SLC26A5: variants seen among roughly 807,000 people sequenced by gnomAD.
SLC26A5 encodes solute carrier family 26 member 5, also known as prestin.
SLC26A5 carries 51 observed loss-of-function variants against 81.0 expected under a neutral mutation model. That is an observed-to-expected ratio of 0.63 (90% CI 0.50 to 0.80). SLC26A5 has a LOEUF of 0.80. Ranked by LOEUF, SLC26A5 falls within the 30% of genes least tolerant of loss-of-function variation. The pLI is 0.00. For synonymous variants in SLC26A5, 325 were observed against 332.8 expected (o/e 0.98, Z 0.25); for missense variants, 771 against 905.8 (o/e 0.85, Z 1.91).
At chr7:103,417,293 C>A (rs1463683094) in intron 4 of SLC26A5, among the ~76,000 whole-genome samples, 1 of 150,982 alleles carries the variant, frequency 6.6e-6, no homozygotes, top group African/African-American at 2.4e-5. Context: ...TTGCTTGAAT[C>A]CGGGAGGCGG....
intron 2 of SLC26A5, among the ~76,000 whole-genome samples, chr7:103,424,967 C>A (rs932447058): frequency 1.3e-5 from 2 of 152,208 alleles, no homozygotes; most frequent in African/African-American, 4.8e-5. Flanking sequence ...TATGTGGCAA[C>A]CTTCTCTGGA....
rs367872619 is a variant in SLC26A5, at chr7:103,406,955, A to G, written c.888+896T>C. 3.3e-5 allele frequency among the ~76,000 whole-genome samples: 5 copies of G among 151,808 alleles called. No individual in the cohort carries two copies. The East Asian group carries it at 9.7e-4, about 29-fold the overall frequency. The stretch of plus-strand genomic sequence containing the variant: ...GATGTGGAGTCACCACACCTAGACG[A>G]CTCTTCATTTCTTATCCTTGCCGCT... On this transcript the variant is annotated intron_variant, in intron 8 of 19. Transcript: ENST00000306312.
At chr7:103,442,358 G>A (rs187362998) in intron 2 of SLC26A5, among the ~76,000 whole-genome samples, 2 of 152,080 alleles carry the variant, frequency 1.3e-5, no homozygotes, top group East Asian at 3.9e-4. Flanking sequence ...AGCTGGTCTC[G>A]AACTCCTGGC....
rs1037948251 is a variant in SLC26A5, at chr7:103,413,182, T to G, written c.293-70A>C. 11 of 1,072,600 alleles carry G rather than the reference T, an allele frequency of 1.0e-5. No homozygotes were observed. In the African/African-American group the frequency reaches 1.7e-4, roughly 17 times the overall value. The allele number at this position is 1,072,600 out of a possible 1,614,324, so 66.4% of individuals were successfully genotyped here. On this transcript the variant is annotated intron_variant, in intron 4 of 19. Transcript: ENST00000306312. ...CAGAGGTGTTACATGTGTTTTTCTCTTGGTTCTTTATTTCTGATGAACGAG... is the reference window on the plus strand; with the variant it reads ...CAGAGGTGTTACATGTGTTTTTCTCGTGGTTCTTTATTTCTGATGAACGAG...
intron 19 of SLC26A5, chr7:103,365,955 A>G: frequency 1.3e-6 from 1 of 759,234 alleles, no homozygotes; most frequent in Non-Finnish European, 2.1e-6. Context: ...AAAAACGTTT[A>G]GGTAATAATG....
chr7:103,380,801 C>G (rs188655056), intron 14 of SLC26A5, among the ~76,000 whole-genome samples: 1 of 151,130 alleles, frequency 6.6e-6, no homozygotes, highest in African/African-American at 2.4e-5. Flanking sequence ...ACACATGATA[C>G]GCACACACCA....
At chr7:103,390,538 T>C in intron 11 of SLC26A5, 32 bp from the exon 12 acceptor site, 1 of 1,573,104 alleles carries the variant, frequency 6.4e-7, no homozygotes, top group East Asian at 2.2e-5. Flanking sequence ...GAAGGGGCTT[T>C]TAGGAGACTT....
chr7:103,362,656 T>C (rs373410579), intron 19 of SLC26A5: 10 of 1,555,610 alleles, frequency 6.4e-6, no homozygotes, highest in South Asian at 2.2e-5. Context: ...TTAAAGAATG[T>C]ATTAATGACT....
chr7:103,408,093 T>G, intron 7 of SLC26A5, 90 bp from the exon 8 acceptor site: 1 of 1,521,404 alleles, frequency 6.6e-7, no homozygotes, highest in Non-Finnish European at 9.1e-7. Context: ...ACACCAGCCA[T>G]TCCGTTATTG....
Position 103,393,838 on chromosome 7 carries a change from T to G in SLC26A5, c.972-772A>C, listed in dbSNP as rs1225244079. On this transcript the variant is annotated intron_variant, in intron 9 of 19. Coordinates refer to ENST00000306312, the MANE Select transcript of SLC26A5 (RefSeq NM_198999.3). ...GGGCAATAGGGATTTGCAGACATTC[T>G]CCTCCAATTCAAGGCATTGGGCTAA... Among the ~76,000 whole-genome samples, 4 of 152,128 alleles carry G rather than the reference T, an allele frequency of 2.6e-5. No homozygotes were observed. In the East Asian group the frequency reaches 7.7e-4, roughly 29 times the overall value.
intron 19 of SLC26A5, among the ~76,000 whole-genome samples, chr7:103,365,914 G>A (rs1006099345): frequency 4.6e-5 from 7 of 152,048 alleles, no homozygotes; most frequent in Non-Finnish European, 1.0e-4. Context: ...GGCGACAGAG[G>A]AAGACTCCAT....
rs1400587506 is a variant in SLC26A5 at position 103,367,059 on chromosome 7, T to A, written c.2041+9749A>T. Among the ~76,000 whole-genome samples, 1 of 152,204 alleles carries A rather than the reference T, an allele frequency of 6.6e-6. No individual in the cohort carries two copies. The highest frequency in any genetic ancestry group is 1.5e-5 in the Non-Finnish European group (1 of 68,032). Reference sequence around the variant, plus strand: ...AGGACAAGTTATTTTAACTAATCTCTGAGCCTCAGTTTGCTCATCTTATAA... The same window carrying A: ...AGGACAAGTTATTTTAACTAATCTCAGAGCCTCAGTTTGCTCATCTTATAA... On this transcript the variant is annotated intron_variant, in intron 19 of 19. Coordinates refer to the SLC26A5 transcript ENST00000339444. The surrounding 1 kb of genome is among the most constrained non-coding windows in gnomAD (Gnocchi z 6.1).
At chr7:103,388,518 A>T in intron 14 of SLC26A5, 2 of 244,784 alleles carry the variant, frequency 8.2e-6, no homozygotes, top group African/African-American at 2.2e-5. Context: ...TTTTTAATTT[A>T]TTTTATACTT....
chr7:103,377,475 T>C, intron 18 of SLC26A5, 124 bp downstream of exon 18: 1 of 911,454 alleles, frequency 1.1e-6, no homozygotes, highest in Non-Finnish European at 1.7e-6. Context: ...TTTTTGAAAT[T>C]TTCCATAATC....
intron 15 of SLC26A5, 69 bp downstream of exon 15, chr7:103,380,411 G>A: frequency 2.3e-6 from 3 of 1,322,892 alleles, no homozygotes; most frequent in South Asian, 2.4e-5. Flanking sequence ...TTTATCCTGG[G>A]TAAAAACAGT....
intron 2 of SLC26A5, among the ~76,000 whole-genome samples, chr7:103,430,755 G>A (rs888584650): frequency 1.3e-5 from 2 of 152,226 alleles, no homozygotes; most frequent in African/African-American, 4.8e-5. Flanking sequence ...CGTGCTTTGG[G>A]TGGTTACAGG....
At chr7:103,442,217 C>T (rs1428351975) in intron 2 of SLC26A5, among the ~76,000 whole-genome samples, 2 of 152,132 alleles carry the variant, frequency 1.3e-5, no homozygotes, top group East Asian at 3.9e-4. Flanking sequence ...TCTCGGCTCA[C>T]TGCAACCTCC....
intron 7 of SLC26A5, among the ~76,000 whole-genome samples, chr7:103,410,177 T>C (rs1261941736): frequency 6.6e-6 from 1 of 152,232 alleles, no homozygotes; most frequent in Non-Finnish European, 1.5e-5. Context: ...AAGTAGGCAG[T>C]ATCACATATT....
intron 2 of SLC26A5, among the ~76,000 whole-genome samples, chr7:103,439,153 G>A (rs1246626236): frequency 6.6e-6 from 1 of 152,110 alleles, no homozygotes; most frequent in Non-Finnish European, 1.5e-5. Context: ...TAGAACAGGA[G>A]GGGCAGACTT....
Sources: allele counts gnomAD v4.1 joint callset (sites outside exome capture counted in the v4.1 genomes callset), GRCh38; gene constraint gnomAD v4.1.1; non-coding constraint Gnocchi (gnomAD v3.1); transcripts MANE v1.5; gene names NCBI Gene and HGNC (gene_info 2026-07-23, HGNC 2026-07-21).